Variants in COX7A2L observed in about 807,000 individuals in gnomAD.
The protein encoded by COX7A2L is cytochrome c oxidase subunit 7A2 like.
A neutral mutation model predicts 14.2 loss-of-function variants in COX7A2L; 18 were observed. The ratio of observed to expected loss-of-function variants is 1.27; its 90% confidence interval spans 0.88 to 1.88. The LOEUF (loss-of-function observed/expected upper bound fraction) is 1.88, where lower values mean the gene tolerates loss of function less well. COX7A2L is among the 40% of genes most tolerant of loss of function. The pLI is 0.00. For synonymous variants in COX7A2L, 65 were observed against 57.4 expected (o/e 1.13, Z -0.60); for missense variants, 179 against 138.8 (o/e 1.29, Z -1.46).
intron 1 of COX7A2L, among the ~76,000 whole-genome samples, chr2:42,354,057 T>C (rs867141516): frequency 4.6e-5 from 7 of 151,974 alleles, no homozygotes; most frequent in Non-Finnish European, 1.0e-4. Context: ...AGACAGAAGG[T>C]AGGTTAATGG....
intron 1 of COX7A2L, among the ~76,000 whole-genome samples, chr2:42,353,785 C>T (rs540446658): frequency 6.6e-6 from 1 of 152,056 alleles, no homozygotes; most frequent in Non-Finnish European, 1.5e-5. Flanking sequence ...ACTAAACAAA[C>T]AAACAAACAA....
upstream of COX7A2L, among the ~76,000 whole-genome samples, chr2:42,364,849 A>C (rs1359209953): frequency 6.6e-6 from 1 of 152,178 alleles, no homozygotes; most frequent in Admixed American, 6.5e-5. Flanking sequence ...GCGGTACAGG[A>C]TGAACATATT....
intron 1 of COX7A2L, among the ~76,000 whole-genome samples, chr2:42,360,259 C>A (rs1208824792): frequency 1.3e-5 from 2 of 152,308 alleles, no homozygotes; most frequent in East Asian, 3.9e-4. Context: ...CAACCACCTG[C>A]CCAAACTGCT....
chr2:42,346,389 T>C (rs2103880134), downstream of COX7A2L, among the ~76,000 whole-genome samples: 1 of 152,278 alleles, frequency 6.6e-6, no homozygotes, highest in South Asian at 2.1e-4. Flanking sequence ...TTAATGAATT[T>C]CTGGAGCTTG....
At position 42,350,975 on chromosome 2, in the gene COX7A2L, G is replaced by T; in HGVS notation, c.*244C>A. The T allele has an allele frequency of 2.8e-6, 1 of 358,872 alleles. No homozygotes were observed. Among genetic ancestry groups the T allele is most frequent in the Non-Finnish European group, 5.0e-6 (1 of 199,698 alleles). 22.2% of individuals were successfully genotyped at this position (358,872 alleles called of 1,614,324 possible). ...TTCAGCCTTCATCCAGAACCTCCAG[G>T]GAAATCAGGAGCACAAACACAGAGC... On this transcript the variant is annotated 3_prime_UTR_variant, in exon 3 of 3. Coordinates refer to ENST00000234301, the MANE Select transcript of COX7A2L (RefSeq NM_004718.4).
chr2:42,360,241 T>C (rs949272866), intron 1 of COX7A2L, among the ~76,000 whole-genome samples: 11 of 152,302 alleles, frequency 7.2e-5, no homozygotes, highest in African/African-American at 2.4e-4. Flanking sequence ...TTAACACTTA[T>C]CCAGAACCAA....
downstream of COX7A2L, among the ~76,000 whole-genome samples, chr2:42,345,806 G>C (rs1048652884): frequency 1.3e-5 from 2 of 152,184 alleles, no homozygotes; most frequent in South Asian, 4.1e-4. Context: ...GTGAAGAGTA[G>C]GACCGCACTT....
chr2:42,362,798 G>A (rs76627920), upstream of COX7A2L, among the ~76,000 whole-genome samples: 2,958 of 150,996 alleles, frequency 0.02, 38 homozygotes, highest in Non-Finnish European at 0.031. Flanking sequence ...ATAATGGAAA[G>A]AACATGCAAT....
chr2:42,347,169 A>G (rs936468013), downstream of COX7A2L, among the ~76,000 whole-genome samples: 8 of 152,190 alleles, frequency 5.3e-5, no homozygotes, highest in African/African-American at 1.9e-4. Flanking sequence ...CCGGCCTAGT[A>G]AGGCAATTTA....
chr2:42,347,271 C>A (rs1388604459), downstream of COX7A2L, among the ~76,000 whole-genome samples: 2 of 149,282 alleles, frequency 1.3e-5, no homozygotes, highest in African/African-American at 2.5e-5. Context: ...GAAACAGGCA[C>A]TCTCAACACT....
downstream of COX7A2L, among the ~76,000 whole-genome samples, chr2:42,344,813 T>C (rs1183157325): frequency 6.6e-6 from 1 of 150,980 alleles, no homozygotes; most frequent in African/African-American, 2.4e-5. Flanking sequence ...ATTGCGCCAC[T>C]GTACTCCAGC....
upstream of COX7A2L, chr2:42,361,541 A>G (rs1480922562): frequency 1.7e-5 from 3 of 175,706 alleles, no homozygotes; most frequent in African/African-American, 7.2e-5. Context: ...CAGGTGGAGC[A>G]TGCTTTAGGA....
downstream of COX7A2L, among the ~76,000 whole-genome samples, chr2:42,347,390 G>A (rs556096961): frequency 2.1e-5 from 3 of 145,202 alleles, no homozygotes; most frequent in Non-Finnish European, 3.0e-5. Flanking sequence ...CTCACGTCTA[G>A]AAATGATCCT....
rs563065794 is a variant in COX7A2L at position 42,357,129 on chromosome 2, C to T, written c.73-3786G>A. 1.6e-3 allele frequency among the ~76,000 whole-genome samples: 251 copies of T among 152,244 alleles called. 1 individual carries two copies. Among genetic ancestry groups the T allele is most frequent in the African/African-American group, 5.9e-3 (243 of 41,532 alleles). ...AAGAGAAAAGTAAACATGATTTTCC[C>T]TCTAAAAGTTGGTTGTAACATTTTC... On this transcript the variant is annotated intron_variant, in intron 1 of 2. Coordinates refer to ENST00000234301, the MANE Select transcript of COX7A2L (RefSeq NM_004718.4).
At chr2:42,344,846 G>A (rs1351977877), downstream of COX7A2L, among the ~76,000 whole-genome samples, 7 of 147,134 alleles carry the variant, frequency 4.8e-5, no homozygotes, top group East Asian at 2.0e-4. Context: ...GCAAGACTCC[G>A]CCTCAAAAAA....
In COX7A2L at chr2:42,353,221, CTT is replaced by C; in HGVS notation, c.193_194del (p.Lys65ValfsTer6). 6.2e-7 allele frequency: 1 copy of C among 1,613,882 alleles called. No homozygotes were observed. The highest frequency in any genetic ancestry group is 8.5e-7 in the Non-Finnish European group (1 of 1,179,958). ...GAGTATCTTCCCTCACCTGGAAAAA[CTT>C]TTGTAGCTCTGGAACTTTGTTTTTC... ...AGKNKVPELQ[K>X]FFQKADGVPV... On this transcript the variant is annotated frameshift_variant, in exon 2 of 3. Coordinates refer to ENST00000234301, the MANE Select transcript of COX7A2L (RefSeq NM_004718.4). LOFTEE classifies it high-confidence loss of function.
At chr2:42,358,457 T>C (rs1031397451) in intron 1 of COX7A2L, among the ~76,000 whole-genome samples, 9 of 152,238 alleles carry the variant, frequency 5.9e-5, no homozygotes, top group African/African-American at 1.9e-4. Flanking sequence ...TACTTACTAC[T>C]ACAAATTACA....
chr2:42,353,874 T>C (rs1670730534), intron 1 of COX7A2L, among the ~76,000 whole-genome samples: 1 of 152,126 alleles, frequency 6.6e-6, no homozygotes, highest in Non-Finnish European at 1.5e-5. Context: ...AATAAACACA[T>C]AAATTGAAAA....
Position 42,358,411 on chromosome 2 carries a change from T to A in COX7A2L, c.72+2679A>T, listed in dbSNP as rs549773875. On this transcript the variant is annotated intron_variant, in intron 1 of 2. Transcript: ENST00000234301. ...AATTGTTACAGAACCACCTTTTCCATATTATGTTATTTAGTGCATGGCAAA... is the reference window on the plus strand; with the variant it reads ...AATTGTTACAGAACCACCTTTTCCAAATTATGTTATTTAGTGCATGGCAAA... Among the ~76,000 whole-genome samples the A allele has an allele frequency of 5.3e-5, 8 of 152,342 alleles. No individual in the cohort carries two copies. The East Asian group carries it at 1.5e-3, about 29-fold the overall frequency.
Sources: gnomAD v4.1 joint callset for allele counts (sites outside exome capture counted in the v4.1 genomes callset) on GRCh38, gnomAD v4.1.1 for gene constraint, MANE v1.5 for transcripts, NCBI Gene and HGNC (gene_info 2026-07-23, HGNC 2026-07-21) for gene names.